GRAMD1B: variants seen among roughly 807,000 people sequenced by gnomAD.
GRAMD1B encodes GRAM domain containing 1B.
Under a neutral mutation model 99.7 loss-of-function variants are expected in GRAMD1B, and 37 were observed. That is an observed-to-expected ratio of 0.37 (90% CI 0.29 to 0.49). The LOEUF (loss-of-function observed/expected upper bound fraction) is 0.49, where lower values mean the gene tolerates loss of function less well. Among genes scored for constraint, GRAMD1B ranks in the 20% least tolerant of loss-of-function variants. The pLI is 0.98. For synonymous variants in GRAMD1B, 427 were observed against 387.6 expected (o/e 1.10, Z -1.19); for missense variants, 888 against 1,009.2 (o/e 0.88, Z 1.63).
chr11:123,609,493 A>C (rs569710574), intron 12 of GRAMD1B, among the ~76,000 whole-genome samples: 4 of 152,180 alleles, frequency 2.6e-5, no homozygotes, highest in Non-Finnish European at 5.9e-5. Flanking sequence ...GGCCCTCGCC[A>C]CAGTAACACC....
rs1027576674 is a variant in GRAMD1B at position 123,482,716 on chromosome 11, A to T, written c.452+1823A>T. ...GTTCTTTGAAAGTGGATGTGGATGC[A>T]TTAGAGTCCATAAAAGAATGATTAT... On this transcript the variant is annotated intron_variant, in intron 2 of 19. Transcript: ENST00000635736. Among the ~76,000 whole-genome samples the T allele has an allele frequency of 2.6e-5, 4 of 152,316 alleles. No individual in the cohort carries two copies. In the East Asian group the frequency reaches 7.7e-4, roughly 29 times the overall value.
chr11:123,515,913 G>A (rs1941628893), intron 2 of GRAMD1B, among the ~76,000 whole-genome samples: 1 of 151,966 alleles, frequency 6.6e-6, no homozygotes, highest in Non-Finnish European at 1.5e-5. Flanking sequence ...GACCACAGGT[G>A]GGCAACACCA....
intron 7 of GRAMD1B, chr11:123,599,070 A>G: frequency 9.9e-7 from 1 of 1,012,578 alleles, no homozygotes; most frequent in South Asian, 1.3e-5. Context: ...TGTGAACTCC[A>G]CCGAGTTTTG....
chr11:123,569,483 A>ATATC (rs1947816514), intron 2 of GRAMD1B, among the ~76,000 whole-genome samples: 2 of 152,202 alleles, frequency 1.3e-5, no homozygotes, highest in Admixed American at 1.3e-4. Flanking sequence ...GACTAGTGAT[A>ATATC]GTACAGAAAG....
rs1296220254 is a variant in GRAMD1B, at chr11:123,419,707, G to A, written c.-176+60908G>A. 1.9e-4 allele frequency among the ~76,000 whole-genome samples: 9 copies of A among 47,018 alleles called. No individual in the cohort carries two copies. In the East Asian group the frequency reaches 5.4e-3, roughly 28 times the overall value. 30.8% of individuals were successfully genotyped at this position (47,018 alleles called of 152,430 possible). On this transcript the variant is annotated intron_variant, in intron 1 of 20. Transcript: ENST00000638157. ...AGTCGGGGAATTTCTAAGTGTGTGTGTGTGTGTGTGTGTGTGTGTGTGTGT... is the reference window on the plus strand; with the variant it reads ...AGTCGGGGAATTTCTAAGTGTGTGTATGTGTGTGTGTGTGTGTGTGTGTGT...
intron 2 of GRAMD1B, among the ~76,000 whole-genome samples, chr11:123,565,616 C>T (rs1947279395): frequency 6.6e-6 from 1 of 152,214 alleles, no homozygotes; most frequent in African/African-American, 2.4e-5. Flanking sequence ...GTAAGAGTGC[C>T]ATTAACATGT....
chr11:123,376,177 C>T (rs558753858), intron 1 of GRAMD1B, among the ~76,000 whole-genome samples: 53 of 152,122 alleles, frequency 3.5e-4, no homozygotes, highest in Admixed American at 2.9e-3. Flanking sequence ...AGCAATATAG[C>T]AGTGTTAGAA....
intron 2 of GRAMD1B, among the ~76,000 whole-genome samples, chr11:123,520,175 A>C (rs1942062762): frequency 6.6e-6 from 1 of 152,228 alleles, no homozygotes; most frequent in African/African-American, 2.4e-5. Flanking sequence ...GAAAAAGCTG[A>C]ACTCTTTCCG....
chr11:123,550,100 A>G (rs1392174039), intron 2 of GRAMD1B, among the ~76,000 whole-genome samples: 1 of 152,190 alleles, frequency 6.6e-6, no homozygotes, highest in African/African-American at 2.4e-5. Flanking sequence ...AAAGAGAAAT[A>G]GGGGAAGTTC....
intron 8 of GRAMD1B, among the ~76,000 whole-genome samples, chr11:123,601,839 G>A (rs12291891): frequency 1.3e-5 from 2 of 152,024 alleles, no homozygotes; most frequent in Non-Finnish European, 2.9e-5. Context: ...CATATGCTTC[G>A]CAAATGCCCT....
rs553517238 is a variant in GRAMD1B at position 123,554,622 on chromosome 11, A to G, written c.453-22745A>G. Among the ~76,000 whole-genome samples the G allele has an allele frequency of 1.3e-4, 20 of 151,674 alleles. 1 individual carries two copies. The South Asian group carries it at 4.2e-3, about 32-fold the overall frequency. On this transcript the variant is annotated intron_variant, in intron 2 of 19. Transcript: ENST00000635736. ...CTATTCCGGAGGCTGAGGTGGGAGG[A>G]TTGCTTGAGCCCAGAAGGTTGAGGT... is the stretch of plus-strand genomic sequence containing the variant.
intron 17 of GRAMD1B, among the ~76,000 whole-genome samples, chr11:123,616,281 C>T (rs1954373130): frequency 1.3e-5 from 2 of 152,312 alleles, no homozygotes; most frequent in Middle Eastern, 3.4e-3. Context: ...GAGATCGCGC[C>T]ACTGCACTCC....
intron 1 of GRAMD1B, among the ~76,000 whole-genome samples, chr11:123,395,115 T>G (rs1258080938): frequency 5.3e-5 from 8 of 152,216 alleles, no homozygotes; most frequent in Non-Finnish European, 7.3e-5. Flanking sequence ...AGTATAGGAC[T>G]GTATCATACT....
At chr11:123,366,416 CT>C (rs1946322793) in intron 1 of GRAMD1B, among the ~76,000 whole-genome samples, 1 of 152,226 alleles carries the variant, frequency 6.6e-6, no homozygotes, top group Non-Finnish European at 1.5e-5. Flanking sequence ...AAGTATAATT[CT>C]CAGGACACCG....
Position 123,549,133 on chromosome 11 carries a change from G to A in GRAMD1B, c.453-28234G>A, listed in dbSNP as rs369426977. Among the ~76,000 whole-genome samples, 25 of 152,294 alleles carry A rather than the reference G, an allele frequency of 1.6e-4. 1 individual carries two copies. Among genetic ancestry groups the A allele is most frequent in the African/African-American group, 5.3e-4 (22 of 41,568 alleles). The stretch of plus-strand genomic sequence containing the variant: ...GGGCAGGGTTCGGCAGTGCACAGCC[G>A]GGTTGCTGGTCCCATTGGCTGTGGT... On this transcript the variant is annotated intron_variant, in intron 2 of 19. Coordinates refer to ENST00000635736, the MANE Select transcript of GRAMD1B (RefSeq NM_001387025.1).
At chr11:123,529,472 T>A (rs1160078048) in intron 2 of GRAMD1B, among the ~76,000 whole-genome samples, 1 of 152,132 alleles carries the variant, frequency 6.6e-6, no homozygotes, top group Non-Finnish European at 1.5e-5. Flanking sequence ...GTGCAACCCC[T>A]CTCTCTCAAT....
At chr11:123,396,805 G>A (rs1288763396) in intron 1 of GRAMD1B, among the ~76,000 whole-genome samples, 1 of 152,170 alleles carries the variant, frequency 6.6e-6, no homozygotes, top group East Asian at 1.9e-4. Context: ...TCTAATTTAG[G>A]CAGAGAGGGA....
chr11:123,567,595 G>T (rs555930786), intron 2 of GRAMD1B, among the ~76,000 whole-genome samples: 6 of 152,288 alleles, frequency 3.9e-5, no homozygotes, highest in Admixed American at 3.3e-4. Context: ...TTCGGGCATG[G>T]AGTCCTGGTT....
intron 2 of GRAMD1B, among the ~76,000 whole-genome samples, chr11:123,544,167 T>C (rs1944831002): frequency 6.6e-6 from 1 of 152,202 alleles, no homozygotes; most frequent in African/African-American, 2.4e-5. Flanking sequence ...AGATTGAACA[T>C]CTGAGCTGCC....
Sources: gnomAD v4.1 joint callset for allele counts (sites outside exome capture counted in the v4.1 genomes callset) on GRCh38, gnomAD v4.1.1 for gene constraint, MANE v1.5 for transcripts, NCBI Gene and HGNC (gene_info 2026-07-23, HGNC 2026-07-21) for gene names.